NFATC1: variants seen among roughly 807,000 people sequenced by gnomAD.
NFATC1 encodes nuclear factor of activated T-cells, cytoplasmic 1.
In NFATC1, 22 loss-of-function variants were observed where a neutral mutation model predicts 76.0. That is an observed-to-expected ratio of 0.29 (90% CI 0.21 to 0.41). The LOEUF (loss-of-function observed/expected upper bound fraction) is 0.41. NFATC1 is among the 10% of genes least tolerant of loss of function. NFATC1 has a pLI of 1.00. For synonymous variants in NFATC1, 704 were observed against 613.1 expected (o/e 1.15, Z -2.19); for missense variants, 1,357 against 1,337.7 (o/e 1.01, Z -0.23).
chr18:79,473,289 C>T (rs2088860179), intron 8 of NFATC1, among the ~76,000 whole-genome samples: 1 of 152,258 alleles, frequency 6.6e-6, no homozygotes, highest in South Asian at 2.1e-4. Flanking sequence ...CCCACAACCA[C>T]CTGAGGGAGA....
chr18:79,514,085 C>T (rs894587085), intron 9 of NFATC1, among the ~76,000 whole-genome samples: 4 of 152,072 alleles, frequency 2.6e-5, no homozygotes, highest in East Asian at 1.9e-4. Flanking sequence ...AGCTGTGAGC[C>T]GGTCCAGGTG....
chr18:79,396,820 C>G (rs570275262), intron 1 of NFATC1, among the ~76,000 whole-genome samples: 197 of 150,878 alleles, frequency 1.3e-3, no homozygotes, highest in African/African-American at 4.6e-3. Flanking sequence ...ACCCCGAGCT[C>G]GTGGCGGCGT....
Position 79,486,933 on chromosome 18 carries a change from T to TCCA in NFATC1, c.2778_2779insCCA (p.Asp926_Asp927insPro), listed in dbSNP as rs750254956. 1.1e-5 allele frequency: 18 copies of TCCA among 1,589,958 alleles called. No homozygotes were observed. Among genetic ancestry groups the TCCA allele is most frequent in the Non-Finnish European group, 1.5e-5 (17 of 1,165,422 alleles). The stretch of plus-strand genomic sequence containing the variant: ...AAGAGTTGGACCAGTTGTACCTGGA[T>TCCA]GACGGTGAGTGCCCGCAGCCATGCA... On this transcript the variant is annotated inframe_insertion, in exon 9 of 10. Coordinates refer to ENST00000427363, the MANE Select transcript of NFATC1 (RefSeq NM_001278669.2).
intron 3 of NFATC1, among the ~76,000 whole-genome samples, chr18:79,446,655 C>T (rs966952407): frequency 1.3e-5 from 2 of 152,090 alleles, no homozygotes; most frequent in Non-Finnish European, 1.5e-5. Flanking sequence ...CCCAGCGTCC[C>T]CCGTCCTGAC....
intron 9 of NFATC1, among the ~76,000 whole-genome samples, chr18:79,507,101 C>T (rs577795160): frequency 3.2e-4 from 49 of 152,348 alleles, no homozygotes; most frequent in African/African-American, 1.0e-3. Flanking sequence ...TGGAGCAGGA[C>T]GCTGTCGCCA....
rs76142601 is a variant in NFATC1, at chr18:79,484,908, G to C, written c.2093-1340G>C. On this transcript the variant is annotated intron_variant, in intron 8 of 9. Coordinates refer to ENST00000427363, the MANE Select transcript of NFATC1 (RefSeq NM_001278669.2). ...CGTGGCACAGGTGCTCCGGCGTCTC[G>C]AGCTGCAGGAAAACGCCGTCTCCAT... Among the ~76,000 whole-genome samples the C allele has an allele frequency of 3.5e-4, 54 of 152,356 alleles. No individual in the cohort carries two copies. In the East Asian group the frequency reaches 0.01, roughly 29 times the overall value.
chr18:79,502,521 T>G lies in NFATC1; in HGVS notation c.2782+15584T>G, dbSNP rs146786089. Among the ~76,000 whole-genome samples the G allele has an allele frequency of 3.4e-4, 52 of 152,244 alleles. 1 individual carries two copies. The East Asian group carries it at 6.9e-3, about 20-fold the overall frequency. ...AATTTTTATGCTTCAAAAGTACTAT[T>G]AAGAAAATGAAAAGATAAGCAATAG... On this transcript the variant is annotated intron_variant, in intron 9 of 9. Coordinates refer to ENST00000427363, the MANE Select transcript of NFATC1 (RefSeq NM_001278669.2).
intron 2 of NFATC1, among the ~76,000 whole-genome samples, chr18:79,427,677 G>GA (rs2086420020): frequency 1.0e-5 from 1 of 100,038 alleles, no homozygotes; most frequent in African/African-American, 4.5e-5. Flanking sequence ...GTGGTGTGGG[G>GA]GCTGGATGGC....
intron 2 of NFATC1, among the ~76,000 whole-genome samples, chr18:79,427,043 C>T (rs2086364490): frequency 6.6e-6 from 1 of 152,194 alleles, no homozygotes; most frequent in African/African-American, 2.4e-5. Context: ...GCTGTGGCCA[C>T]ATGAGCTGGG....
chr18:79,524,303 G>A lies in NFATC1; in HGVS notation c.2783-3225G>A, dbSNP rs931822777. Among the ~76,000 whole-genome samples the A allele has an allele frequency of 6.6e-6, 1 of 152,270 alleles. No individual in the cohort carries two copies. Among genetic ancestry groups the A allele is most frequent in the Non-Finnish European group, 1.5e-5 (1 of 68,052 alleles). ...TCCTCTCAGGGCTACGGCACAGGCC[G>A]TGTCTGCGGGGCGAGCACGGCTCCA... On this transcript the variant is annotated intron_variant, in intron 9 of 9. Coordinates refer to ENST00000427363, the MANE Select transcript of NFATC1 (RefSeq NM_001278669.2). The surrounding 1 kb of genome is among the most constrained non-coding windows in gnomAD (Gnocchi z 7.2).
intron 7 of NFATC1, among the ~76,000 whole-genome samples, chr18:79,464,614 C>T (rs1219751673): frequency 2.0e-5 from 3 of 150,486 alleles, no homozygotes; most frequent in Non-Finnish European, 4.4e-5. Context: ...CACACACACA[C>T]ACACAGAGTA....
At chr18:79,419,987 G>A (rs2086016501) in intron 2 of NFATC1, among the ~76,000 whole-genome samples, 1 of 152,230 alleles carries the variant, frequency 6.6e-6, no homozygotes, top group African/African-American at 2.4e-5. Context: ...GAACATCTCT[G>A]GAAGCTGGGT....
rs751353671 is a variant in NFATC1, at chr18:79,451,827, C to T, written c.1903+11C>T. On this transcript the variant is annotated intron_variant, in intron 6 of 9. Transcript: ENST00000427363. ...TGGAGAAAGCCCCAGGTATGCTCTT[C>T]ACCAGGGGCCATCTGCGGCCTGGGC... 9 of 1,595,252 alleles carry T rather than the reference C, an allele frequency of 5.6e-6. No individual in the cohort carries two copies. The East Asian group carries it at 1.8e-4, about 32-fold the overall frequency.
intron 3 of NFATC1, among the ~76,000 whole-genome samples, chr18:79,442,284 C>T (rs762924118): frequency 2.0e-5 from 3 of 152,238 alleles, no homozygotes; most frequent in South Asian, 2.1e-4. Flanking sequence ...TGTGGCCGGG[C>T]GGCCTTTCTC....
rs373369617 is a variant in NFATC1, at chr18:79,433,757, C to T, written c.1386+19C>T. ...CGTGCAGGTAGGCACTGCGGCCAGA[C>T]TCGCACGTCACTTGGTGCTTTTGTG... On this transcript the variant is annotated intron_variant, in intron 3 of 9. Coordinates refer to ENST00000427363, the MANE Select transcript of NFATC1 (RefSeq NM_001278669.2). The T allele has an allele frequency of 1.9e-6, 3 of 1,602,040 alleles. No individual in the cohort carries two copies. Among genetic ancestry groups the T allele is most frequent in the South Asian group, 1.1e-5 (1 of 90,056 alleles).
chr18:79,427,150 G>C (rs1182430557), intron 2 of NFATC1, among the ~76,000 whole-genome samples: 3 of 152,204 alleles, frequency 2.0e-5, no homozygotes, highest in Non-Finnish European at 4.4e-5. Flanking sequence ...AGCCCTTCGT[G>C]TACCCACGTG....
rs1600673236 is a variant in NFATC1, at chr18:79,425,286, T to TG, written c.1227-8293_1227-8292insG. On this transcript the variant is annotated intron_variant, in intron 2 of 9. Transcript: ENST00000427363. ...GTCTCTGTCTCTCTCTCTGTCTGTC[T>TG]TTCTTTCTTACTCTCTTTCTCTTTT... Among the ~76,000 whole-genome samples the TG allele has an allele frequency of 1.7e-4, 26 of 152,074 alleles. No homozygotes were observed. The East Asian group carries it at 5.0e-3, about 29-fold the overall frequency.
chr18:79,399,969 T>TAA (rs138345861), intron 1 of NFATC1, among the ~76,000 whole-genome samples: 7 of 149,118 alleles, frequency 4.7e-5, no homozygotes, highest in East Asian at 2.0e-4. Context: ...AAAACTTCTT[T>TAA]AAAAAAAAAA....
At chr18:79,406,038 C>T (rs563678610) in intron 1 of NFATC1, among the ~76,000 whole-genome samples, 4 of 152,204 alleles carry the variant, frequency 2.6e-5, no homozygotes, top group Admixed American at 6.5e-5. Context: ...CATCTAGAAC[C>T]TTCCGGTGAT....
Sources: allele counts gnomAD v4.1 joint callset (sites outside exome capture counted in the v4.1 genomes callset), GRCh38; gene constraint gnomAD v4.1.1; non-coding constraint Gnocchi (gnomAD v3.1); transcripts MANE v1.5; gene names NCBI Gene and HGNC (gene_info 2026-07-23, HGNC 2026-07-21).